The following GLYAT variants were observed in gnomAD, a reference collection of about 807,000 sequenced individuals.
The protein encoded by GLYAT is glycine N-acyltransferase.
A neutral mutation model predicts 22.8 loss-of-function variants in GLYAT; 25 were observed. The observed-to-expected ratio is 1.09, with a 90% CI of 0.80 to 1.53. The LOEUF (loss-of-function observed/expected upper bound fraction) is 1.53. Ranked by LOEUF, GLYAT falls within the 40% of genes most tolerant of loss-of-function variation. The pLI is 0.00. For missense variants in GLYAT, 411 were observed against 353.9 expected (o/e 1.16, Z -1.29); for synonymous variants, 140 against 122.7 (o/e 1.14, Z -0.93).
rs1346179558 is a variant in GLYAT, at chr11:58,709,699, T to C, written c.*67A>G. On this transcript the variant is annotated 3_prime_UTR_variant, in exon 6 of 6. Coordinates refer to ENST00000344743, the MANE Select transcript of GLYAT (RefSeq NM_201648.3). ...GATTACAATTTATTATTTCTTTTCA[T>C]CCACCATCCACTCCTCAAATTATAC... 2.2e-5 allele frequency: 33 copies of C among 1,487,742 alleles called. No individual in the cohort carries two copies. The highest frequency in any genetic ancestry group is 2.6e-5 in the Non-Finnish European group (29 of 1,101,714). 92.2% of individuals were successfully genotyped at this position (1,487,742 alleles called of 1,614,324 possible).
chr11:58,730,040 T>C (rs918246522), intron 1 of GLYAT, among the ~76,000 whole-genome samples: 4 of 152,186 alleles, frequency 2.6e-5, no homozygotes, highest in Admixed American at 6.5e-5. Context: ...CTGAGGTTCT[T>C]CCAAGAAATC....
At chr11:58,720,371 T>C (rs1856734709) in intron 2 of GLYAT, among the ~76,000 whole-genome samples, 1 of 152,060 alleles carries the variant, frequency 6.6e-6, no homozygotes, top group Non-Finnish European at 1.5e-5. Flanking sequence ...TTTAATTGTT[T>C]ACCTGGATTA....
intron 2 of GLYAT, among the ~76,000 whole-genome samples, chr11:58,719,002 G>T (rs1257458294): frequency 1.3e-5 from 2 of 151,810 alleles, no homozygotes; most frequent in Admixed American, 6.6e-5. Context: ...TTCATATTTG[G>T]CAATGCCTTC....
chr11:58,713,833 C>T (rs1336575581), intron 3 of GLYAT, among the ~76,000 whole-genome samples: 1 of 151,928 alleles, frequency 6.6e-6, no homozygotes, highest in Non-Finnish European at 1.5e-5. Context: ...AATAAAAGAT[C>T]AAATAATTTT....
chr11:58,718,359 A>G (rs1856708981), intron 2 of GLYAT, among the ~76,000 whole-genome samples: 1 of 152,062 alleles, frequency 6.6e-6, no homozygotes, highest in Admixed American at 6.6e-5. Flanking sequence ...AAAAGTTTTA[A>G]GACTGAAAAT....
chr11:58,726,913 C>T (rs541574640), intron 1 of GLYAT, among the ~76,000 whole-genome samples: 1 of 151,982 alleles, frequency 6.6e-6, no homozygotes, highest in Non-Finnish European at 1.5e-5. Context: ...AAAGGAGGAA[C>T]CTCTGGAGGC....
intron 4 of GLYAT, among the ~76,000 whole-genome samples, chr11:58,711,256 G>A (rs1261439986): frequency 3.3e-5 from 5 of 152,152 alleles, no homozygotes; most frequent in African/African-American, 7.2e-5. Flanking sequence ...TAAGTTGCTA[G>A]CCAGTTGGGA....
intron 1 of GLYAT, among the ~76,000 whole-genome samples, chr11:58,727,524 G>A (rs1856822692): frequency 6.6e-6 from 1 of 152,136 alleles, no homozygotes; most frequent in African/African-American, 2.4e-5. Context: ...TTAGGCTTTA[G>A]CCCTATCACT....
At chr11:58,718,920 T>C (rs540844209) in intron 2 of GLYAT, among the ~76,000 whole-genome samples, 1 of 151,966 alleles carries the variant, frequency 6.6e-6, no homozygotes, top group African/African-American at 2.4e-5. Flanking sequence ...ATTACAGGAG[T>C]TTCCCATAAT....
At chr11:58,720,765 A>G (rs1296850766) in intron 2 of GLYAT, among the ~76,000 whole-genome samples, 2 of 152,050 alleles carry the variant, frequency 1.3e-5, no homozygotes, top group Non-Finnish European at 2.9e-5. Context: ...GGCTGGGTTC[A>G]TAGTTATGTA....
chr11:58,724,305 C>A, intron 2 of GLYAT, 111 bp downstream of exon 2: 3 of 570,626 alleles, frequency 5.3e-6, no homozygotes, highest in African/African-American at 3.7e-5. Context: ...TGAGAGAAAA[C>A]ATGAAATAGT....
At chr11:58,719,583 G>C (rs1275956854) in intron 2 of GLYAT, among the ~76,000 whole-genome samples, 2 of 151,806 alleles carry the variant, frequency 1.3e-5, no homozygotes, top group East Asian at 3.9e-4. Context: ...ATAGTCCCTG[G>C]GCCTTGAGGA....
chr11:58,730,392 T>C (rs756248086), intron 1 of GLYAT, among the ~76,000 whole-genome samples: 24 of 152,274 alleles, frequency 1.6e-4, no homozygotes, highest in Non-Finnish European at 3.4e-4. Flanking sequence ...ACGATTCTAA[T>C]AGTTTTCATC....
At chr11:58,712,636 C>T (rs1472603083) in intron 4 of GLYAT, 124 bp downstream of exon 4, 1 of 833,340 alleles carries the variant, frequency 1.2e-6, no homozygotes, top group African/African-American at 1.7e-5. Context: ...ATATAGTTAC[C>T]ACACAGTAAC....
At chr11:58,715,696 C>T (rs1856671685) in intron 2 of GLYAT, among the ~76,000 whole-genome samples, 1 of 152,098 alleles carries the variant, frequency 6.6e-6, no homozygotes, top group Non-Finnish European at 1.5e-5. Context: ...CTGATATTTG[C>T]TATTTTTCAT....
chr11:58,716,857 T>C (rs553434004), intron 2 of GLYAT, among the ~76,000 whole-genome samples: 2 of 152,082 alleles, frequency 1.3e-5, no homozygotes, highest in Admixed American at 1.3e-4. Context: ...TAGGGAGATA[T>C]GATACCTCAA....
rs1381699828 is a variant in GLYAT at position 58,709,482 on chromosome 11, T to G, written c.*284A>C. ...AACCAGGGATTCCAGGAGAAGTAAT[T>G]TGGAGCAATATGTATCTGATGAAGT... On this transcript the variant is annotated 3_prime_UTR_variant, in exon 6 of 6. Coordinates refer to ENST00000344743, the MANE Select transcript of GLYAT (RefSeq NM_201648.3). The G allele has an allele frequency of 3.8e-6, 1 of 262,374 alleles. No homozygotes were observed. The highest frequency in any genetic ancestry group is 2.2e-5 in the African/African-American group (1 of 45,526). 16.3% of individuals were successfully genotyped at this position (262,374 alleles called of 1,614,324 possible).
At chr11:58,719,689 G>C (rs1391915422) in intron 2 of GLYAT, among the ~76,000 whole-genome samples, 2 of 151,884 alleles carry the variant, frequency 1.3e-5, no homozygotes. Context: ...TTTAATTGCT[G>C]TCAGTGTTTA....
At chr11:58,730,995 A>G (rs78362343) in intron 1 of GLYAT, among the ~76,000 whole-genome samples, 4,587 of 152,290 alleles carry the variant, frequency 0.03, 90 homozygotes, top group African/African-American at 0.061. Flanking sequence ...GACACAAAAC[A>G]GTTCACATAC....
Sources: gnomAD v4.1 joint callset for allele counts (sites outside exome capture counted in the v4.1 genomes callset) on GRCh38, gnomAD v4.1.1 for gene constraint, MANE v1.5 for transcripts, NCBI Gene and HGNC (gene_info 2026-07-23, HGNC 2026-07-21) for gene names.